Variants in RAPGEF1 observed in about 807,000 individuals in gnomAD.
The protein encoded by RAPGEF1 is Rap guanine nucleotide exchange factor 1.
Under a neutral mutation model 143.3 loss-of-function variants are expected in RAPGEF1, and 33 were observed. That is an observed-to-expected ratio of 0.23 (90% CI 0.17 to 0.31). RAPGEF1 has a LOEUF of 0.31. Ranked by LOEUF, RAPGEF1 falls within the 10% of genes least tolerant of loss-of-function variation. The pLI is 1.00. For synonymous variants in RAPGEF1, 629 were observed against 676.5 expected (o/e 0.93, Z 1.09); for missense variants, 1,199 against 1,645.4 (o/e 0.73, Z 4.69).
intron 11 of RAPGEF1, among the ~76,000 whole-genome samples, chr9:131,620,204 A>G (rs1330125781): frequency 1.3e-5 from 2 of 152,082 alleles, no homozygotes; most frequent in Non-Finnish European, 2.9e-5. Context: ...TGGACTCCAC[A>G]GTATGGAGAA....
intron 1 of RAPGEF1, among the ~76,000 whole-genome samples, chr9:131,726,845 T>A (rs185290554): frequency 1.2e-3 from 184 of 151,898 alleles, no homozygotes; most frequent in African/African-American, 4.3e-3. Flanking sequence ...ACAAAAAAAA[T>A]TTTTTTAAAT....
intron 15 of RAPGEF1, among the ~76,000 whole-genome samples, chr9:131,599,150 A>T (rs1955830550): frequency 7.0e-6 from 1 of 142,266 alleles, no homozygotes; most frequent in Admixed American, 7.2e-5. Flanking sequence ...TTTGAGACAG[A>T]GTCTCCCTCT....
In RAPGEF1 at chr9:131,737,628, C is replaced by A. The variant is rs575541415; in HGVS notation, c.61+2142G>T. The A allele has an allele frequency of 4.2e-6, 6 of 1,428,312 alleles. No individual in the cohort carries two copies. In the South Asian group the frequency reaches 4.4e-5, roughly 10 times the overall value. The allele number at this position is 1,428,312 out of a possible 1,614,324, so 88.5% of individuals were successfully genotyped here. ...AAATGAAGAGTCATTTCATTCCCAG[C>A]GGTTTGGGCAGCTCATGGGATGACA... On this transcript the variant is annotated intron_variant, in intron 1 of 26. Coordinates refer to ENST00000683357, the MANE Select transcript of RAPGEF1 (RefSeq NM_001377935.1).
At chr9:131,720,465 T>G (rs1272089268) in intron 1 of RAPGEF1, among the ~76,000 whole-genome samples, 2 of 152,184 alleles carry the variant, frequency 1.3e-5, no homozygotes, top group African/African-American at 4.8e-5. Context: ...GAGATGCTCA[T>G]TCTCAGCCCA....
intron 1 of RAPGEF1, among the ~76,000 whole-genome samples, chr9:131,668,629 G>A (rs772670255): frequency 1.4e-4 from 21 of 152,162 alleles, no homozygotes; most frequent in Non-Finnish European, 2.4e-4. Context: ...ACTCAAGGCG[G>A]CCTGTCCCCA....
At chr9:131,598,343 C>A in intron 15 of RAPGEF1, 33 bp from the exon 16 acceptor site, 2 of 1,580,578 alleles carry the variant, frequency 1.3e-6, no homozygotes, top group South Asian at 2.3e-5. Context: ...TTGCAAGTGT[C>A]AAACCGGCTC....
Position 131,699,239 on chromosome 9 carries a change from C to CT in RAPGEF1, c.61+40530dup, listed in dbSNP as rs35856609. Among the ~76,000 whole-genome samples, 841 of 124,772 alleles carry CT rather than the reference C, an allele frequency of 6.7e-3. 11 individuals are homozygous for CT. The highest frequency in any genetic ancestry group is 0.033 in the East Asian group (143 of 4,354). 81.9% of individuals were successfully genotyped at this position (124,772 alleles called of 152,430 possible). ...TTTCACACCCAACACTCCACTGACA[C>CT]TTTTTTTTTTTTTTTTTTTTCTGAG... On this transcript the variant is annotated intron_variant, in intron 1 of 26. Transcript: ENST00000683357.
intron 1 of RAPGEF1, among the ~76,000 whole-genome samples, chr9:131,731,266 C>T (rs980683730): frequency 5.9e-5 from 9 of 152,098 alleles, no homozygotes; most frequent in African/African-American, 9.7e-5. Context: ...GTGGTAAGTG[C>T]CTAATGAACA....
chr9:131,658,985 C>T (rs536207799), intron 1 of RAPGEF1, among the ~76,000 whole-genome samples: 31 of 152,276 alleles, frequency 2.0e-4, no homozygotes, highest in African/African-American at 6.0e-4. Flanking sequence ...ATCAACCACA[C>T]GGGATCACAA....
intron 1 of RAPGEF1, among the ~76,000 whole-genome samples, chr9:131,717,195 TC>T (rs1242454735): frequency 6.6e-6 from 1 of 152,002 alleles, no homozygotes; most frequent in African/African-American, 2.4e-5. Flanking sequence ...CCTTTACAAC[TC>T]CCCGCCTCCA....
intron 1 of RAPGEF1, among the ~76,000 whole-genome samples, chr9:131,707,107 A>G (rs952061057): frequency 6.6e-6 from 1 of 152,218 alleles, no homozygotes; most frequent in African/African-American, 2.4e-5. Context: ...TCTATTCTAA[A>G]AGTGGTGCTT....
chr9:131,732,457 G>A (rs138027024), intron 1 of RAPGEF1, among the ~76,000 whole-genome samples: 12 of 152,204 alleles, frequency 7.9e-5, no homozygotes, highest in Admixed American at 5.9e-4. Context: ...CTCAAAGAAC[G>A]TGCACTCAAG....
At chr9:131,609,382 A>C (rs868328191) in intron 12 of RAPGEF1, among the ~76,000 whole-genome samples, 2 of 152,134 alleles carry the variant, frequency 1.3e-5, no homozygotes, top group African/African-American at 4.8e-5. Context: ...TGATATCACA[A>C]TCAGTTCGTG....
At chr9:131,653,047 G>A (rs894258646) in intron 1 of RAPGEF1, among the ~76,000 whole-genome samples, 4 of 152,168 alleles carry the variant, frequency 2.6e-5, no homozygotes, top group Admixed American at 6.5e-5. Flanking sequence ...AATGTGGTCT[G>A]TCACTAACTG....
chr9:131,594,932 C>T (rs529200665), intron 17 of RAPGEF1, among the ~76,000 whole-genome samples: 7 of 152,350 alleles, frequency 4.6e-5, no homozygotes, highest in Admixed American at 2.0e-4. Context: ...AAATGAAAGT[C>T]GCTCCCATGC....
intron 12 of RAPGEF1, among the ~76,000 whole-genome samples, chr9:131,606,064 G>C (rs903308841): frequency 7.2e-5 from 11 of 152,078 alleles, no homozygotes; most frequent in African/African-American, 2.4e-4. Flanking sequence ...ACAAAGCAAG[G>C]TCCTGTCTCA....
At chr9:131,629,559 G>A (rs1192141672) in intron 6 of RAPGEF1, among the ~76,000 whole-genome samples, 1 of 152,168 alleles carries the variant, frequency 6.6e-6, no homozygotes, top group Non-Finnish European at 1.5e-5. Flanking sequence ...GGGAGGTCAA[G>A]GCGGGCAGAT....
chr9:131,609,317 G>A (rs1285003873), intron 12 of RAPGEF1, among the ~76,000 whole-genome samples: 1 of 152,230 alleles, frequency 6.6e-6, no homozygotes, highest in African/African-American at 2.4e-5. Flanking sequence ...CTGAGGCTGG[G>A]AGGGGAGACC....
At chr9:131,697,829 G>A (rs966449939) in intron 1 of RAPGEF1, among the ~76,000 whole-genome samples, 2 of 152,314 alleles carry the variant, frequency 1.3e-5, no homozygotes, top group African/African-American at 4.8e-5. Flanking sequence ...GACAGTTGAT[G>A]ATGACAAGTT....
Sources: gnomAD v4.1 joint callset for allele counts (sites outside exome capture counted in the v4.1 genomes callset) on GRCh38, gnomAD v4.1.1 for gene constraint, MANE v1.5 for transcripts, NCBI Gene and HGNC (gene_info 2026-07-23, HGNC 2026-07-21) for gene names.